The following ARID2 variants were observed in gnomAD, a reference collection of about 807,000 sequenced individuals.
ARID2 encodes AT-rich interactive domain-containing protein 2.
ARID2 carries 32 observed loss-of-function variants against 184.6 expected under a neutral mutation model. That is an observed-to-expected ratio of 0.17 (90% confidence interval 0.13 to 0.23). The LOEUF is 0.23. ARID2 is among the 10% of genes least tolerant of loss of function. The pLI, the probability that ARID2 is intolerant of heterozygous loss-of-function variation, is 1.00. For missense variants in ARID2, 1,696 were observed against 2,197.6 expected (o/e 0.77, Z 4.56); for synonymous variants, 836 against 772.6 (o/e 1.08, Z -1.36).
At chr12:45,760,503 T>C (rs1941655072) in intron 3 of ARID2, among the ~76,000 whole-genome samples, 1 of 152,140 alleles carries the variant, frequency 6.6e-6, no homozygotes, top group Non-Finnish European at 1.5e-5. Context: ...GTTTTTTTGG[T>C]GTTTTTGTGT....
In ARID2 at chr12:45,849,932, T is replaced by TA. The variant is rs1943511326; in HGVS notation, c.1913-103dup. ...CCATATTCATATGATTCAAAATTGT[T>TA]AGATGTTAATTTCTTAAAACTATTT... On this transcript the variant is annotated intron_variant, in intron 14 of 20. Coordinates refer to ENST00000334344, the MANE Select transcript of ARID2 (RefSeq NM_152641.4). 39 of 1,454,490 alleles carry TA rather than the reference T, an allele frequency of 2.7e-5. No individual in the cohort carries two copies. In the South Asian group the frequency reaches 5.4e-4, roughly 20 times the overall value. The allele number at this position is 1,454,490 out of a possible 1,614,324, so 90.1% of individuals were successfully genotyped here. A position where few individuals can be genotyped will look rare whatever the true frequency, so the allele number is the denominator to read the frequency against.
At chr12:45,812,222 T>C (rs1014142337) in intron 4 of ARID2, among the ~76,000 whole-genome samples, 2 of 151,584 alleles carry the variant, frequency 1.3e-5, no homozygotes, top group Admixed American at 6.6e-5. Context: ...AAAAAAGAGA[T>C]ACTTGTTTTT....
chr12:45,871,761 G>A (rs1024163688), intron 16 of ARID2, among the ~76,000 whole-genome samples: 1 of 152,230 alleles, frequency 6.6e-6, no homozygotes, highest in Admixed American at 6.5e-5. Flanking sequence ...TGTTTTGAAG[G>A]TTATTAATTA....
intron 20 of ARID2, chr12:45,904,233 G>T (rs150518515): frequency 3.3e-6 from 2 of 611,594 alleles, no homozygotes; most frequent in Admixed American, 2.8e-5. Context: ...TGAAGACTAA[G>T]AAGCTTTAAT....
chr12:45,762,984 A>G (rs1433922422), intron 3 of ARID2, among the ~76,000 whole-genome samples: 1 of 152,196 alleles, frequency 6.6e-6, no homozygotes, highest in Non-Finnish European at 1.5e-5. Context: ...TATAACAGCT[A>G]CTATTTATTG....
intron 3 of ARID2, among the ~76,000 whole-genome samples, chr12:45,761,681 C>G (rs961449886): frequency 1.3e-5 from 2 of 152,024 alleles, no homozygotes; most frequent in Non-Finnish European, 2.9e-5. Flanking sequence ...ACATTTTACT[C>G]CAGTACATTT....
chr12:45,850,059 A>G lies in ARID2; in HGVS notation c.1936A>G (p.Ile646Val), dbSNP rs1326867133. 1 of 1,613,504 alleles carries G rather than the reference A, an allele frequency of 6.2e-7. No individual in the cohort carries two copies. The highest frequency in any genetic ancestry group is 8.5e-7 in the Non-Finnish European group (1 of 1,179,642). ...PAGIPHGSQT[I>V]GNHFQRTPVA... ...AGGAATCCCTCATGGATCACAAACC[A>G]TAGGAAACCATTTTCAGAGGACTCC... Residue 646 changes from isoleucine to valine, a missense_variant, in exon 15 of 21, where the codon ATA (isoleucine) becomes GTA (valine). Ile to Val is a conservative substitution (Grantham distance 29, BLOSUM62 3). This residue lies in a region of ARID2 where 713 missense variants were observed against 824.4 expected (regional missense o/e 0.86). Coordinates refer to ENST00000334344, the MANE Select transcript of ARID2 (RefSeq NM_152641.4).
intron 3 of ARID2, among the ~76,000 whole-genome samples, chr12:45,737,594 A>G (rs1300740509): frequency 6.6e-6 from 1 of 151,508 alleles, no homozygotes; most frequent in East Asian, 1.9e-4. Context: ...GAGGCATATA[A>G]TGTTTAGTTG....
At chr12:45,801,238 G>T (rs907099502) in intron 3 of ARID2, among the ~76,000 whole-genome samples, 4 of 152,004 alleles carry the variant, frequency 2.6e-5, no homozygotes, top group Non-Finnish European at 4.4e-5. Context: ...CGTGAACCCG[G>T]GAGGTGGAGT....
rs766110823 is a variant in ARID2, at chr12:45,851,534, A to G, written c.3411A>G (p.Ser1137=). ...TGGTCCCAAGTGCAATGCCACCCTC[A>G]GGGGGAGTACAAACTGTGCCCATTT... is the stretch of plus-strand genomic sequence containing the variant. ...VQLVPSAMPP[S]GGVQTVPISN... The change falls in exon 15 of 21, where the codon TCA becomes TCG. Residue 1137 remains serine (S), a synonymous_variant. Coordinates refer to ENST00000334344, the MANE Select transcript of ARID2 (RefSeq NM_152641.4). 5 of 1,614,026 alleles carry G rather than the reference A, an allele frequency of 3.1e-6. 1 individual carries two copies. The highest frequency in any genetic ancestry group is 3.4e-6 in the Non-Finnish European group (4 of 1,179,998).
At chr12:45,766,639 G>C (rs1281155323) in intron 3 of ARID2, among the ~76,000 whole-genome samples, 1 of 149,810 alleles carries the variant, frequency 6.7e-6, no homozygotes, top group Non-Finnish European at 1.5e-5. Context: ...TCAGCCTCCC[G>C]AGTAGCTGGG....
chr12:45,815,632 T>G (rs1942791501), intron 4 of ARID2, among the ~76,000 whole-genome samples: 1 of 152,118 alleles, frequency 6.6e-6, no homozygotes, highest in Non-Finnish European at 1.5e-5. Flanking sequence ...TTTTTAACTT[T>G]TAAAAATATT....
At chr12:45,783,313 A>G (rs1465712104) in intron 3 of ARID2, among the ~76,000 whole-genome samples, 2 of 152,250 alleles carry the variant, frequency 1.3e-5, no homozygotes, top group African/African-American at 4.8e-5. Flanking sequence ...CTAATTCAGC[A>G]GCACTACAGT....
intron 16 of ARID2, among the ~76,000 whole-genome samples, chr12:45,876,570 A>G (rs201424841): frequency 4.4e-5 from 3 of 68,384 alleles, no homozygotes; most frequent in Non-Finnish European, 6.7e-5. Context: ...AAAAAAAAGG[A>G]AAAAAAAAAA....
At chr12:45,732,788 A>G (rs1941027955) in intron 3 of ARID2, among the ~76,000 whole-genome samples, 2 of 152,172 alleles carry the variant, frequency 1.3e-5, no homozygotes, top group Admixed American at 1.3e-4. Flanking sequence ...AAGTTTTATA[A>G]CCAGAAAGTA....
intron 3 of ARID2, among the ~76,000 whole-genome samples, chr12:45,802,749 G>A (rs1279182283): frequency 4.0e-5 from 6 of 150,814 alleles, no homozygotes; most frequent in South Asian, 2.1e-4. Flanking sequence ...ATTTTTTTTC[G>A]TGAGTCAATT....
At chr12:45,849,182 A>G (rs1316557273) in intron 13 of ARID2, among the ~76,000 whole-genome samples, 1 of 152,190 alleles carries the variant, frequency 6.6e-6, no homozygotes, top group East Asian at 1.9e-4. Flanking sequence ...GAGATTTATC[A>G]AAGAAATGAA....
In ARID2 at chr12:45,729,757, C is replaced by G; in HGVS notation, c.-80C>G. The G allele has an allele frequency of 7.2e-7, 1 of 1,392,756 alleles. No homozygotes were observed. Among genetic ancestry groups the G allele is most frequent in the East Asian group, 2.5e-5 (1 of 39,604 alleles). 86.3% of individuals were successfully genotyped at this position (1,392,756 alleles called of 1,614,324 possible). On this transcript the variant is annotated 5_prime_UTR_variant, in exon 1 of 21. Transcript: ENST00000334344. ...CGCCGGCCGAGGAATGGGCTCCGGG[C>G]TCTGGTAGGAAGCGCTGGGAGCGGG...
chr12:45,821,900 A>C (rs1481886955), intron 6 of ARID2, among the ~76,000 whole-genome samples: 1 of 152,180 alleles, frequency 6.6e-6, no homozygotes, highest in Admixed American at 6.6e-5. Flanking sequence ...CATCTAGAGG[A>C]AAATTTCTGG....
Sources: gnomAD v4.1 joint callset for allele counts (sites outside exome capture counted in the v4.1 genomes callset) on GRCh38, gnomAD v4.1.1 for gene constraint, gnomAD v4.1.1 regional missense constraint, MANE v1.5 for transcripts, NCBI Gene and HGNC (gene_info 2026-07-23, HGNC 2026-07-21) for gene names.